MAP1A: variants seen among roughly 807,000 people sequenced by gnomAD.
The protein encoded by MAP1A is microtubule associated protein 1A.
Under a neutral mutation model 185.9 loss-of-function variants are expected in MAP1A, and 42 were observed. That is an observed-to-expected ratio of 0.23 (90% CI 0.18 to 0.29). The LOEUF (loss-of-function observed/expected upper bound fraction) is 0.29, where lower values mean the gene tolerates loss of function less well. Among genes scored for constraint, MAP1A ranks in the 10% least tolerant of loss-of-function variants. MAP1A has a pLI of 1.00. For synonymous variants in MAP1A, 1,229 were observed against 1,335.9 expected (o/e 0.92, Z 1.74); for missense variants, 2,995 against 3,450.4 (o/e 0.87, Z 3.31).
rs758931595 is a variant in MAP1A at position 43,527,677 on chromosome 15, C to T, written c.6204C>T (p.Ile2068=). 1 of 1,598,624 alleles carries T rather than the reference C, an allele frequency of 6.3e-7. No individual in the cohort carries two copies. Among genetic ancestry groups the T allele is most frequent in the Non-Finnish European group, 8.5e-7 (1 of 1,171,558 alleles). ...TPPAVPPRAP[I]LSKGPSPPLN... ...CTGCAGTTCCCCCCCGTGCTCCTAT[C>T]CTGAGCAAAGGCCCAAGCCCCCCTC... Residue 2068 remains isoleucine (I), a synonymous_variant, in exon 4 of 6, where the codon ATC becomes ATT. Transcript: ENST00000300231.
rs2079317504 is a variant in MAP1A, at chr15:43,521,092, C to T, written c.-171C>T. ...CACCTACTCATATGAAAACTTTGCC[C>T]AGGTCCTTCACAACCCCGAGGTAAG... On this transcript the variant is annotated 5_prime_UTR_variant, in exon 3 of 6. Transcript: ENST00000300231. This position sits in a 1 kb window ranked among gnomAD's most constrained non-coding sequence, Gnocchi z 4.6. 6.5e-7 allele frequency: 1 copy of T among 1,548,348 alleles called. No homozygotes were observed. The highest frequency in any genetic ancestry group is 8.7e-7 in the Non-Finnish European group (1 of 1,146,946).
In MAP1A at chr15:43,527,439, C is replaced by A; in HGVS notation, c.5966C>A (p.Pro1989Gln). 2.5e-6 allele frequency: 4 copies of A among 1,614,176 alleles called. No individual in the cohort carries two copies. The highest frequency in any genetic ancestry group is 3.4e-6 in the Non-Finnish European group (4 of 1,180,008). ...CCTGCATGCCCCACTAGAGAGCCTCCACTTGGAGCAGCTGGGGATTGGCCC... is the reference window on the plus strand; with the variant it reads ...CCTGCATGCCCCACTAGAGAGCCTCAACTTGGAGCAGCTGGGGATTGGCCC... Reference protein sequence around the residue: ...LGPACPTREPPLGAAGDWPPC... With the variant: ...LGPACPTREPQLGAAGDWPPC... Residue 1989 changes from proline (P) to glutamine (Q), a missense_variant, in exon 4 of 6, where the codon CCA becomes CAA. By Grantham distance (76) the Pro-to-Gln change is moderately conservative. Coordinates refer to ENST00000300231, the MANE Select transcript of MAP1A (RefSeq NM_002373.6).
Position 43,530,074 on chromosome 15 carries a change from T to C in MAP1A, c.8262T>C (p.Thr2754=), listed in dbSNP as rs774064098. Residue 2754 remains threonine, a synonymous_variant, in exon 6 of 6, where the codon ACT becomes ACC. Coordinates refer to ENST00000300231, the MANE Select transcript of MAP1A (RefSeq NM_002373.6). ...KAQWGENLQV[T]LIPTHDTEVT... ...ATATCTTATCTCCCTTCTAGGTGACTCTGATCCCTACTCATGACACGGAGG... is the reference window on the plus strand; with the variant it reads ...ATATCTTATCTCCCTTCTAGGTGACCCTGATCCCTACTCATGACACGGAGG... 10 of 1,614,142 alleles carry C rather than the reference T, an allele frequency of 6.2e-6. No homozygotes were observed. Among genetic ancestry groups the C allele is most frequent in the Non-Finnish European group, 7.6e-6 (9 of 1,179,986 alleles).
rs1385707104 is a variant in MAP1A at position 43,522,341 on chromosome 15, C to T, written c.868C>T (p.Arg290Cys). Reference protein sequence around the residue: ...LEKLRHLDFLRYPVATQKDLA... With the variant: ...LEKLRHLDFLCYPVATQKDLA... ...AAAGCTTCGGCATCTGGACTTCCTG[C>T]GTTACCCTGTGGCCACGCAGAAGGA... Residue 290 changes from arginine (R) to cysteine (C), a missense_variant, in exon 4 of 6, where the codon CGT becomes TGT. Physicochemically the swap from Arg to Cys is radical, Grantham distance 180 (BLOSUM62 -3). This residue lies in a region of MAP1A where 264 missense variants were observed against 435.3 expected (regional missense o/e 0.61). Coordinates refer to ENST00000300231, the MANE Select transcript of MAP1A (RefSeq NM_002373.6). This position sits in a 1 kb window ranked among gnomAD's most constrained non-coding sequence, Gnocchi z 5.9. 4 of 1,614,130 alleles carry T rather than the reference C, an allele frequency of 2.5e-6. No homozygotes were observed. Among genetic ancestry groups the T allele is most frequent in the East Asian group, 2.2e-5 (1 of 44,882 alleles).
chr15:43,522,306 A>T lies in MAP1A; in HGVS notation c.833A>T (p.Glu278Val). 4.3e-6 allele frequency: 7 copies of T among 1,614,152 alleles called. No homozygotes were observed. Among genetic ancestry groups the T allele is most frequent in the Non-Finnish European group, 5.9e-6 (7 of 1,180,030 alleles). The change falls in exon 4 of 6, where the codon GAG (glutamate) becomes GTG (valine). Residue 278 changes from glutamate (E) to valine (V), a missense_variant. Glu to Val is a moderately radical substitution (Grantham distance 121). Transcript: ENST00000300231. This position sits in a 1 kb window ranked among gnomAD's most constrained non-coding sequence, Gnocchi z 5.9. ...PGNAPQNKILEGLEKLRHLDF... is the reference protein window; with the variant it reads ...PGNAPQNKILVGLEKLRHLDF... ...AATGCTCCCCAAAACAAGATCTTGG[A>T]GGGCCTAGAAAAGCTTCGGCATCTG...
rs2140207373 is a variant in MAP1A, at chr15:43,524,588, G to A, written c.3115G>A (p.Val1039Met). ...GGGAGACACTAAGCGCACACCAGGT[G>A]TGGGCAAAGAAGATGCTGCTGAGGA... Reference protein sequence around the residue: ...SWGDTKRTPGVGKEDAAEETV... With the variant: ...SWGDTKRTPGMGKEDAAEETV... Residue 1039 changes from valine (V) to methionine (M), a missense_variant, in exon 4 of 6, where the codon GTG becomes ATG. Coordinates refer to ENST00000300231, the MANE Select transcript of MAP1A (RefSeq NM_002373.6). 3.7e-6 allele frequency: 6 copies of A among 1,614,180 alleles called. No homozygotes were observed. Among genetic ancestry groups the A allele is most frequent in the Non-Finnish European group, 5.1e-6 (6 of 1,180,032 alleles).
At chr15:43,512,713 T>C (rs2079286678), upstream of MAP1A, among the ~76,000 whole-genome samples, 2 of 152,192 alleles carry the variant, frequency 1.3e-5, no homozygotes, top group African/African-American at 4.8e-5. Context: ...TTAGCATTTT[T>C]ATTTAGGCTG....
chr15:43,513,027 A>G (rs536607957), upstream of MAP1A, among the ~76,000 whole-genome samples: 56 of 152,284 alleles, frequency 3.7e-4, no homozygotes, highest in African/African-American at 1.0e-3. Context: ...AAAGCTCTAC[A>G]TGCTATTATA....
chr15:43,522,533 A>G lies in MAP1A; in HGVS notation c.1060A>G (p.Lys354Glu), dbSNP rs781333113. ...CAAGGAGGCACGTTCAGAGCTGGCC[A>G]AGGAGTTAGCCAAGACAGAGAAGAA... ...GAKEARSELA[K>E]ELAKTEKKAK... Residue 354 changes from lysine to glutamate, a missense_variant, in exon 4 of 6, where the codon AAG becomes GAG. By Grantham distance (56) the Lys-to-Glu change is moderately conservative. Transcript: ENST00000300231. This position sits in a 1 kb window ranked among gnomAD's most constrained non-coding sequence, Gnocchi z 5.9. 6.2e-7 allele frequency: 1 copy of G among 1,612,796 alleles called. No individual in the cohort carries two copies. Among genetic ancestry groups the G allele is most frequent in the East Asian group, 2.2e-5 (1 of 44,864 alleles).
Position 43,527,033 on chromosome 15 carries a change from C to T in MAP1A, c.5560C>T (p.Pro1854Ser), listed in dbSNP as rs776351771. Residue 1854 changes from proline (P) to serine (S), a missense_variant, in exon 4 of 6, where the codon CCT (proline) becomes TCT (serine). Pro to Ser is a moderately conservative substitution (Grantham distance 74, BLOSUM62 -1). Around this residue, in one of 3 missense-constraint regions of MAP1A, gnomAD observed 2,728 missense variants for 2,986.0 expected, o/e 0.91. Coordinates refer to ENST00000300231, the MANE Select transcript of MAP1A (RefSeq NM_002373.6). ...PWVPKDRPLPPAPLSPAPGPP... is the reference protein window; with the variant it reads ...PWVPKDRPLPSAPLSPAPGPP... ...GGTGCCCAAGGACAGACCCCTCCCC[C>T]CTGCACCCCTCTCCCCAGCTCCTGG... 3 of 1,599,656 alleles carry T rather than the reference C, an allele frequency of 1.9e-6. No individual in the cohort carries two copies. The highest frequency in any genetic ancestry group is 2.2e-5 in the East Asian group (1 of 44,784).
Position 43,524,876 on chromosome 15 carries a change from G to T in MAP1A, c.3403G>T (p.Asp1135Tyr). The change falls in exon 4 of 6, where the codon GAT (aspartate) becomes TAT (tyrosine). Residue 1135 changes from aspartate (D) to tyrosine (Y), a missense_variant. Around this residue, in one of 3 missense-constraint regions of MAP1A, gnomAD observed 2,728 missense variants for 2,986.0 expected, o/e 0.91. Transcript: ENST00000300231. Reference sequence around the variant, plus strand: ...CCAAGAACCTGGCAAACCTCAGAAAGATGAGGTGCTCAGATATCCTGACCG... The same window carrying T: ...CCAAGAACCTGGCAAACCTCAGAAATATGAGGTGCTCAGATATCCTGACCG... ...LPQEPGKPQKDEVLRYPDRSL... is the reference protein window; with the variant it reads ...LPQEPGKPQKYEVLRYPDRSL... The T allele has an allele frequency of 6.2e-7, 1 of 1,614,190 alleles. No individual in the cohort carries two copies. Among genetic ancestry groups the T allele is most frequent in the Non-Finnish European group, 8.5e-7 (1 of 1,180,026 alleles).
In MAP1A at chr15:43,521,160, G is replaced by T. The variant is rs1220744144; in HGVS notation, c.-151+48G>T. 6.6e-7 allele frequency: 1 copy of T among 1,518,912 alleles called. No homozygotes were observed. The highest frequency in any genetic ancestry group is 2.5e-5 in the East Asian group (1 of 40,754). The allele number at this position is 1,518,912 out of a possible 1,614,324, so 94.1% of individuals were successfully genotyped here. ...TGGGAGAAAGGGTAGCACTAGAGCTGTGGGAGGGATCTAAGGGAAAGTCTC... is the reference window on the plus strand; with the variant it reads ...TGGGAGAAAGGGTAGCACTAGAGCTTTGGGAGGGATCTAAGGGAAAGTCTC... On this transcript the variant is annotated intron_variant, in intron 3 of 5. Coordinates refer to ENST00000300231, the MANE Select transcript of MAP1A (RefSeq NM_002373.6). The surrounding 1 kb of genome is among the most constrained non-coding windows in gnomAD (Gnocchi z 4.6).
chr15:43,530,390 A>T lies in MAP1A; in HGVS notation c.*166A>T. The T allele has an allele frequency of 2.6e-6, 2 of 780,142 alleles. No homozygotes were observed. The highest frequency in any genetic ancestry group is 4.0e-6 in the Non-Finnish European group (2 of 498,724). The allele number at this position is 780,142 out of a possible 1,614,324, so 48.3% of individuals were successfully genotyped here. On this transcript the variant is annotated 3_prime_UTR_variant, in exon 6 of 6. Coordinates refer to ENST00000300231, the MANE Select transcript of MAP1A (RefSeq NM_002373.6). ...TAAATGGGAGGGGTTGTCCCTCCCC[A>T]TCATCCATTCCTGTGAGGTGTCTCA...
At position 43,523,651 on chromosome 15, in the gene MAP1A, A is replaced by G. The variant is rs758641429; in HGVS notation, c.2178A>G (p.Ala726=). The G allele has an allele frequency of 1.2e-6, 2 of 1,614,076 alleles. No individual in the cohort carries two copies. The highest frequency in any genetic ancestry group is 1.7e-6 in the Non-Finnish European group (2 of 1,179,984). ...SLFLSSLTTP[A]GATEHVSYIQ... is the part of the protein sequence containing the mutation. ...TCCTAAGCAGCCTGACCACACCTGCAGGAGCCACTGAGCATGTCTCTTACA... is the reference window on the plus strand; with the variant it reads ...TCCTAAGCAGCCTGACCACACCTGCGGGAGCCACTGAGCATGTCTCTTACA... The change falls in exon 4 of 6, where the codon GCA becomes GCG. Residue 726 remains alanine (A), a synonymous_variant. Transcript: ENST00000300231.
chr15:43,517,056 C>T (rs2079300115), upstream of MAP1A, among the ~76,000 whole-genome samples: 1 of 152,182 alleles, frequency 6.6e-6, no homozygotes, highest in Non-Finnish European at 1.5e-5. Flanking sequence ...TACCCTCTAA[C>T]CCTAAAATAA....
Position 43,525,710 on chromosome 15 carries a change from A to C in MAP1A, c.4237A>C (p.Arg1413=), listed in dbSNP as rs199900085. Residue 1413 remains arginine, a synonymous_variant, in exon 4 of 6, where the codon AGA becomes CGA. Coordinates refer to ENST00000300231, the MANE Select transcript of MAP1A (RefSeq NM_002373.6). ...QQDKALEQKG[R]DLEQKDTALE... ...GGATAAGGCTTTAGAACAAAAGGGC[A>C]GAGACTTAGAGCAAAAAGACACAGC... 3,986 of 1,614,246 alleles carry C rather than the reference A, an allele frequency of 2.5e-3. 124 individuals carry two copies. In the South Asian group the frequency reaches 0.041, roughly 17 times the overall value.
At chr15:43,520,771 A>T (rs1030026380) in intron 2 of MAP1A, 48 bp downstream of exon 2, 2 of 1,447,014 alleles carry the variant, frequency 1.4e-6, no homozygotes, top group Non-Finnish European at 1.9e-6. Flanking sequence ...TGCAAGTGCT[A>T]TACCCACCCT....
chr15:43,512,390 G>GA, intron 2 of MAP1A: 1 of 770,816 alleles, frequency 1.3e-6, no homozygotes, highest in East Asian at 2.7e-5. Context: ...TTGAGTGGAG[G>GA]AGAAGGGAGG....
upstream of MAP1A, among the ~76,000 whole-genome samples, chr15:43,514,734 G>T (rs2079292328): frequency 6.6e-6 from 1 of 152,156 alleles, no homozygotes; most frequent in East Asian, 1.9e-4. Flanking sequence ...TTTGCACCAG[G>T]TAGTCTCTCC....
Sources: gnomAD v4.1 joint callset for allele counts (sites outside exome capture counted in the v4.1 genomes callset) on GRCh38, gnomAD v4.1.1 for gene constraint, gnomAD v4.1.1 regional missense constraint, Gnocchi (gnomAD v3.1) non-coding constraint, MANE v1.5 for transcripts, NCBI Gene and HGNC (gene_info 2026-07-23, HGNC 2026-07-21) for gene names.